Variants in FMNL3 observed in about 807,000 individuals in gnomAD.
The protein encoded by FMNL3 is formin like 3, also known as formin-like protein 3.
Under a neutral mutation model 119.6 loss-of-function variants are expected in FMNL3, and 57 were observed. The ratio of observed to expected loss-of-function variants is 0.48; its 90% CI spans 0.39 to 0.59. The LOEUF is 0.59. Ranked by LOEUF, FMNL3 falls within the 20% of genes least tolerant of loss-of-function variation. FMNL3 has a pLI of 0.00. For missense variants in FMNL3, 1,053 were observed against 1,323.5 expected (o/e 0.80, Z 3.17); for synonymous variants, 491 against 507.3 (o/e 0.97, Z 0.43).
Position 49,647,617 on chromosome 12 carries a change from A to G in FMNL3, c.2778+86T>C. 1 of 1,244,380 alleles carries G rather than the reference A, an allele frequency of 8.0e-7. No individual in the cohort carries two copies. The highest frequency in any genetic ancestry group is 1.2e-6 in the Non-Finnish European group (1 of 858,638). The allele number at this position is 1,244,380 out of a possible 1,614,324, so 77.1% of individuals were successfully genotyped here. On this transcript the variant is annotated intron_variant, in intron 23 of 25. Transcript: ENST00000335154. The surrounding 1 kb of genome is among the most constrained non-coding windows in gnomAD (Gnocchi z 4.9). ...TCCCAGGACTCGGAGGAGGAGTCGGAAAAGGCCCATACTTTAAGCCCAGGC... is the reference window on the plus strand; with the variant it reads ...TCCCAGGACTCGGAGGAGGAGTCGGGAAAGGCCCATACTTTAAGCCCAGGC...
intron 1 of FMNL3, among the ~76,000 whole-genome samples, chr12:49,702,177 G>A (rs372230910): frequency 3.2e-4 from 49 of 152,186 alleles, no homozygotes; most frequent in African/African-American, 7.9e-4. Context: ...GGTGGCGCAC[G>A]CCTGTGGTCT....
chr12:49,689,720 A>G (rs1303290820), intron 1 of FMNL3, among the ~76,000 whole-genome samples: 1 of 152,234 alleles, frequency 6.6e-6, no homozygotes, highest in Non-Finnish European at 1.5e-5. Context: ...TTTCAAAAAA[A>G]TAAGAAATGT....
Position 49,637,510 on chromosome 12 carries a change from C to G in FMNL3, c.*8305G>C. ...CTGCATGAGACAGGGCAGCTGCACT[C>G]TATGTCCACCTGGATGGAGCTATAT... On this transcript the variant is annotated 3_prime_UTR_variant, in exon 26 of 26. Transcript: ENST00000335154. The G allele has an allele frequency of 6.2e-7, 1 of 1,613,854 alleles. No individual in the cohort carries two copies.
In FMNL3 at chr12:49,637,117, A is replaced by G. The variant is rs980700918; in HGVS notation, c.*8698T>C. ...ACAGGCATGACTTGGCAGCTAGGCCATGTTTATTTCCCTTGGTGGGGCACC... is the reference window on the plus strand; with the variant it reads ...ACAGGCATGACTTGGCAGCTAGGCCGTGTTTATTTCCCTTGGTGGGGCACC... On this transcript the variant is annotated 3_prime_UTR_variant, in exon 26 of 26. Transcript: ENST00000335154. The G allele has an allele frequency of 1.7e-6, 1 of 589,750 alleles. No homozygotes were observed. Among genetic ancestry groups the G allele is most frequent in the African/African-American group, 1.9e-5 (1 of 53,720 alleles). The allele number at this position is 589,750 out of a possible 1,614,324, so 36.5% of individuals were successfully genotyped here.
intron 11 of FMNL3, 43 bp downstream of exon 11, chr12:49,654,149 G>A (rs1468078280): frequency 2.6e-6 from 4 of 1,551,962 alleles, no homozygotes; most frequent in Non-Finnish European, 3.6e-6. Context: ...CGGCTAAACT[G>A]ATCCCAAAGC....
At chr12:49,694,912 C>CA (rs1211645905) in intron 1 of FMNL3, among the ~76,000 whole-genome samples, 30 of 140,814 alleles carry the variant, frequency 2.1e-4, no homozygotes, top group Non-Finnish European at 2.5e-4. Context: ...AACTCCGTCT[C>CA]AAAAAAAAAA....
At chr12:49,686,672 T>C (rs1029435151) in intron 1 of FMNL3, among the ~76,000 whole-genome samples, 10 of 150,892 alleles carry the variant, frequency 6.6e-5, no homozygotes, top group Non-Finnish European at 1.3e-4. Flanking sequence ...CATCCATCCC[T>C]ACACTCCTTG....
rs1387568825 is a variant in FMNL3, at chr12:49,642,644, G to A, written c.*3171C>T. 12 of 1,614,142 alleles carry A rather than the reference G, an allele frequency of 7.4e-6. No homozygotes were observed. Among genetic ancestry groups the A allele is most frequent in the South Asian group, 6.6e-5 (6 of 91,058 alleles). On this transcript the variant is annotated 3_prime_UTR_variant, in exon 26 of 26. Coordinates refer to ENST00000335154, the MANE Select transcript of FMNL3 (RefSeq NM_175736.5). This position sits in a 1 kb window ranked among gnomAD's most constrained non-coding sequence, Gnocchi z 5.8. ...ATCACCCTGGAGTCGGAGCGGATCC[G>A]GCTCTTCCGGGAGTTCCTACAGGTG...
intron 1 of FMNL3, among the ~76,000 whole-genome samples, chr12:49,668,940 C>T (rs181087698): frequency 3.3e-5 from 5 of 152,036 alleles, no homozygotes; most frequent in African/African-American, 9.7e-5. Context: ...TAAAATGTGA[C>T]GGGAACATGA....
chr12:49,699,293 G>A (rs896245279), intron 1 of FMNL3, among the ~76,000 whole-genome samples: 6 of 152,174 alleles, frequency 3.9e-5, no homozygotes, highest in Non-Finnish European at 7.3e-5. Flanking sequence ...CCAGGACCCC[G>A]GCTCTGCCCA....
intron 10 of FMNL3, 77 bp from the exon 11 acceptor site, chr12:49,654,379 GT>G: frequency 8.6e-7 from 1 of 1,166,614 alleles, no homozygotes; most frequent in Non-Finnish European, 1.3e-6. Context: ...ATAGGCGGCT[GT>G]TAGAATATCA....
At chr12:49,661,759 A>G in intron 5 of FMNL3, 1 of 581,798 alleles carries the variant, frequency 1.7e-6, no homozygotes, top group South Asian at 2.1e-5. Context: ...CTTATCTTCT[A>G]CTCCAGCCAA....
Position 49,643,193 on chromosome 12 carries a change from G to A in FMNL3, c.*2622C>T. On this transcript the variant is annotated 3_prime_UTR_variant, in exon 26 of 26. Coordinates refer to ENST00000335154, the MANE Select transcript of FMNL3 (RefSeq NM_175736.5). ...GGCTTCTGGAGGGCAGAGAACCTCTGCACTGACATGTATCTGCTGATCTGC... is the reference window on the plus strand; with the variant it reads ...GGCTTCTGGAGGGCAGAGAACCTCTACACTGACATGTATCTGCTGATCTGC... 1 of 1,612,990 alleles carries A rather than the reference G, an allele frequency of 6.2e-7. No homozygotes were observed.
Position 49,654,259 on chromosome 12 carries a change from T to G in FMNL3, c.1004A>C (p.Glu335Ala), listed in dbSNP as rs1943501014. The change falls in exon 11 of 26, where the codon GAG (glutamate) becomes GCG (alanine). Residue 335 changes from glutamate to alanine, a missense_variant. Glu to Ala is a moderately radical substitution (Grantham distance 107, BLOSUM62 -1). This residue lies in a region of FMNL3 where 445 missense variants were observed against 628.4 expected (regional missense o/e 0.71). Transcript: ENST00000335154. ...CAGGTGGACCCGGAAGTTCATGTCC[T>G]CCACCGAGTGCACCACGATGTTGAT... ...QFINIVVHSV[E>A]DMNFRVHLQY... 1 of 1,613,892 alleles carries G rather than the reference T, an allele frequency of 6.2e-7. No homozygotes were observed. Among genetic ancestry groups the G allele is most frequent in the African/African-American group, 1.3e-5 (1 of 74,862 alleles).
chr12:49,681,301 C>A (rs538653666), intron 1 of FMNL3, among the ~76,000 whole-genome samples: 13 of 152,190 alleles, frequency 8.5e-5, no homozygotes, highest in East Asian at 1.9e-4. Flanking sequence ...CCCGGGTTCA[C>A]GCCATTCTCC....
At chr12:49,686,423 T>C (rs952830305) in intron 1 of FMNL3, among the ~76,000 whole-genome samples, 2 of 150,686 alleles carry the variant, frequency 1.3e-5, no homozygotes, top group African/African-American at 4.9e-5. Flanking sequence ...CTACTAAAAA[T>C]ACAAAAAAAT....
At position 49,650,772 on chromosome 12, in the gene FMNL3, T is replaced by C. The variant is rs1400043078; in HGVS notation, c.1904A>G (p.Lys635Arg). The change falls in exon 17 of 26, where the codon AAG becomes AGG. Residue 635 changes from lysine to arginine, a missense_variant. Coordinates refer to ENST00000335154, the MANE Select transcript of FMNL3 (RefSeq NM_175736.5). ...ACGATTGGCTTCCAACAGAGTCACC[T>C]TGCTGGCAGCTTTTTGCGCTGTCTT... ...KNKTAQKAAS[K>R]VTLLEANRAK... is the part of the protein sequence containing the mutation. 1.2e-6 allele frequency: 2 copies of C among 1,614,240 alleles called. No homozygotes were observed. The highest frequency in any genetic ancestry group is 1.7e-6 in the Non-Finnish European group (2 of 1,180,042).
In FMNL3 at chr12:49,654,996, A is replaced by C; in HGVS notation, c.886-12T>G. 1 of 1,613,434 alleles carries C rather than the reference A, an allele frequency of 6.2e-7. No individual in the cohort carries two copies. The highest frequency in any genetic ancestry group is 1.3e-5 in the African/African-American group (1 of 75,008). On this transcript the variant is annotated splice_polypyrimidine_tract_variant and intron_variant, in intron 9 of 25. Transcript: ENST00000335154. ...AGCTCCTTGCATACCTGAATGAGCA[A>C]ACTTTCTCAGTGAAAGGATCTGCTC...
chr12:49,659,691 T>A, intron 5 of FMNL3: 1 of 860,858 alleles, frequency 1.2e-6, no homozygotes. Flanking sequence ...TGGGATTACA[T>A]GTGTGAGCCA....
Sources: allele counts gnomAD v4.1 joint callset (sites outside exome capture counted in the v4.1 genomes callset), GRCh38; gene constraint gnomAD v4.1.1; regional missense constraint gnomAD v4.1.1; non-coding constraint Gnocchi (gnomAD v3.1); transcripts MANE v1.5; gene names NCBI Gene and HGNC (gene_info 2026-07-23, HGNC 2026-07-21).